The following TSHZ3 variants were observed in gnomAD, a reference collection of about 807,000 sequenced individuals.
TSHZ3 encodes the protein teashirt homolog 3.
A neutral mutation model predicts 64.5 loss-of-function variants in TSHZ3; 10 were observed. That is an observed-to-expected ratio of 0.16 (90% confidence interval 0.10 to 0.26). The LOEUF is 0.26. Among genes scored for constraint, TSHZ3 ranks in the 10% least tolerant of loss-of-function variants. The pLI, the probability that TSHZ3 is intolerant of heterozygous loss-of-function variation, is 1.00. For missense variants in TSHZ3, 1,242 were observed against 1,421.7 expected (o/e 0.87, Z 2.03); for synonymous variants, 608 against 593.1 (o/e 1.03, Z -0.36).
chr19:31,302,351 A>G (rs1279996353), intron 1 of TSHZ3, among the ~76,000 whole-genome samples: 1 of 152,186 alleles, frequency 6.6e-6, no homozygotes, highest in African/African-American at 2.4e-5. Flanking sequence ...AATGGGACAT[A>G]AGACTCCACA....
intron 3 of TSHZ3, among the ~76,000 whole-genome samples, chr19:31,241,895 A>G (rs926179209): frequency 6.6e-6 from 1 of 152,212 alleles, no homozygotes; most frequent in African/African-American, 2.4e-5. Flanking sequence ...AAGAGAACCA[A>G]CTGAGCTATT....
In TSHZ3 at chr19:31,275,835, T is replaced by C. The variant is rs192939715; in HGVS notation, c.*712A>G. Reference sequence around the variant, plus strand: ...GAAAAAAAGAAATATACACTATACATAGGCACAGCTTATGCCCAGAGCATA... The same window carrying C: ...GAAAAAAAGAAATATACACTATACACAGGCACAGCTTATGCCCAGAGCATA... On this transcript the variant is annotated 3_prime_UTR_variant, in exon 2 of 2. Transcript: ENST00000240587. 1.3e-5 allele frequency: 2 copies of C among 152,704 alleles called. No individual in the cohort carries two copies. The highest frequency in any genetic ancestry group is 3.9e-4 in the East Asian group (2 of 5,182). The allele number at this position is 152,704 out of a possible 1,614,324, so 9.5% of individuals were successfully genotyped here.
At chr19:31,321,251 T>C (rs1175803973) in intron 1 of TSHZ3, among the ~76,000 whole-genome samples, 1 of 152,140 alleles carries the variant, frequency 6.6e-6, no homozygotes, top group Non-Finnish European at 1.5e-5. Flanking sequence ...AGGTGGGTAA[T>C]GACAGTGCTG....
chr19:31,258,710 A>G (rs1975946349), intron 1 of TSHZ3, among the ~76,000 whole-genome samples: 1 of 152,220 alleles, frequency 6.6e-6, no homozygotes, highest in Non-Finnish European at 1.5e-5. Flanking sequence ...AAGGGAAGGA[A>G]GAACTGATGC....
At chr19:31,312,957 G>A (rs1051359420) in intron 1 of TSHZ3, among the ~76,000 whole-genome samples, 1 of 152,180 alleles carries the variant, frequency 6.6e-6, no homozygotes, top group African/African-American at 2.4e-5. Flanking sequence ...TATGGCAAGT[G>A]ATTCTGGGTC....
chr19:31,187,722 A>G (rs1974835048), intron 5 of TSHZ3, among the ~76,000 whole-genome samples: 1 of 152,122 alleles, frequency 6.6e-6, no homozygotes, highest in African/African-American at 2.4e-5. Context: ...ATTGCCTTGC[A>G]GCTTTTGCCA....
rs1174358362 is a variant in TSHZ3 at position 31,152,078 on chromosome 19, C to G, written n.872-334G>C. On this transcript the variant is annotated intron_variant and non_coding_transcript_variant, in intron 6 of 6. Coordinates refer to the TSHZ3 transcript ENST00000651361. ...TTTGTAGAGACAAAGAGTCAATTCT[C>G]CCTGTAAATTTCTCACTAGACAGTT... is the stretch of plus-strand genomic sequence containing the variant. Among the ~76,000 whole-genome samples, 4 of 152,054 alleles carry G rather than the reference C, an allele frequency of 2.6e-5. No homozygotes were observed. In the East Asian group the frequency reaches 7.7e-4, roughly 29 times the overall value.
rs531211458 is a variant in TSHZ3, at chr19:31,177,451, G to A, written n.810-21034C>T. Among the ~76,000 whole-genome samples the A allele has an allele frequency of 1.0e-3, 158 of 152,326 alleles. 3 individuals are homozygous for A. The highest frequency in any genetic ancestry group is 3.5e-3 in the African/African-American group (144 of 41,568). Reference sequence around the variant, plus strand: ...CTTCCCAGCCTCGGGGCTGCTGGCCGTCTGCAATGTTCCTTGGCTTCCAGC... The same window carrying A: ...CTTCCCAGCCTCGGGGCTGCTGGCCATCTGCAATGTTCCTTGGCTTCCAGC... On this transcript the variant is annotated intron_variant and non_coding_transcript_variant, in intron 5 of 6. Transcript: ENST00000651361.
At chr19:31,252,732 C>G (rs1001082267) in intron 1 of TSHZ3, among the ~76,000 whole-genome samples, 1 of 152,194 alleles carries the variant, frequency 6.6e-6, no homozygotes, top group Non-Finnish European at 1.5e-5. Flanking sequence ...TCCATTAAAC[C>G]TCTTTCCTGT....
At chr19:31,296,327 A>ATTTTTTT (rs35057697) in intron 1 of TSHZ3, among the ~76,000 whole-genome samples, 1 of 94,024 alleles carries the variant, frequency 1.1e-5, no homozygotes, top group Non-Finnish European at 2.0e-5. Context: ...AGTGCTGTGA[A>ATTTTTTT]TTTTTTTTTT....
At chr19:31,274,590 G>A (rs1238160755), downstream of TSHZ3, among the ~76,000 whole-genome samples, 1 of 152,130 alleles carries the variant, frequency 6.6e-6, no homozygotes, top group Non-Finnish European at 1.5e-5. Context: ...ATCCAGAAGA[G>A]AGATCAAACC....
At chr19:31,348,551 G>T (rs1011288472) in intron 1 of TSHZ3, among the ~76,000 whole-genome samples, 8 of 151,716 alleles carry the variant, frequency 5.3e-5, no homozygotes, top group African/African-American at 1.9e-4. Context: ...GGTGGGAGCA[G>T]CAGTACAAGG....
chr19:31,269,311 G>A (rs1976100668), intron 1 of TSHZ3, among the ~76,000 whole-genome samples: 1 of 152,166 alleles, frequency 6.6e-6, no homozygotes, highest in Non-Finnish European at 1.5e-5. Context: ...CCCTGATGAG[G>A]CTTTCAGGAG....
At chr19:31,192,791 T>C (rs912256174) in intron 5 of TSHZ3, among the ~76,000 whole-genome samples, 1 of 152,234 alleles carries the variant, frequency 6.6e-6, no homozygotes, top group African/African-American at 2.4e-5. Context: ...AATCGTGAAA[T>C]ATATCCCTGG....
chr19:31,213,845 A>T (rs888710511), intron 4 of TSHZ3, among the ~76,000 whole-genome samples: 1 of 152,358 alleles, frequency 6.6e-6, no homozygotes, highest in Non-Finnish European at 1.5e-5. Flanking sequence ...GAATAAGTCT[A>T]CACTCTTTCT....
intron 1 of TSHZ3, among the ~76,000 whole-genome samples, chr19:31,335,359 C>T (rs1917213786): frequency 6.6e-6 from 1 of 152,224 alleles, no homozygotes; most frequent in Non-Finnish European, 1.5e-5. Context: ...CGGCCCACTT[C>T]CAAATGGCCA....
upstream of TSHZ3, chr19:31,349,478 GGGAGGAGGAGGCAGAGGAGGAGGAGGT>G (rs2021636516): frequency 1.0e-5 from 4 of 382,218 alleles, no homozygotes; most frequent in South Asian, 8.9e-5. Context: ...GAGCACGGGG[GGGAGGAGGAGGCAGAGGAGGAGGAGGT>G]GGAGGAGGAG....
At chr19:31,340,349 A>AAAAAAAAC in intron 1 of TSHZ3, among the ~76,000 whole-genome samples, 1 of 148,736 alleles carries the variant, frequency 6.7e-6, no homozygotes, top group Non-Finnish European at 1.5e-5. Context: ...AAAAAAAAAA[A>AAAAAAAAC]AAAAAAAAAA....
intron 1 of TSHZ3, among the ~76,000 whole-genome samples, chr19:31,285,898 C>T (rs534273122): frequency 6.6e-6 from 1 of 151,870 alleles, no homozygotes; most frequent in African/African-American, 2.4e-5. Context: ...GGAACCTCTG[C>T]TGCCAGCTCC....
Sources: gnomAD v4.1 joint callset for allele counts (sites outside exome capture counted in the v4.1 genomes callset) on GRCh38, gnomAD v4.1.1 for gene constraint, MANE v1.5 for transcripts, NCBI Gene and HGNC (gene_info 2026-07-23, HGNC 2026-07-21) for gene names.